Variants in ARID5B observed in about 807,000 individuals in gnomAD.
ARID5B encodes AT-rich interaction domain 5B.
In ARID5B, 13 loss-of-function variants were observed where a neutral mutation model predicts 97.2. The ratio of observed to expected loss-of-function variants is 0.13; its 90% confidence interval spans 0.09 to 0.21. The LOEUF (loss-of-function observed/expected upper bound fraction) is 0.21, where lower values mean the gene tolerates loss of function less well. Ranked by LOEUF, ARID5B falls within the 10% of genes least tolerant of loss-of-function variation. The pLI is 1.00. For synonymous variants in ARID5B, 556 were observed against 570.3 expected (o/e 0.97, Z 0.36); for missense variants, 1,210 against 1,465.3 (o/e 0.83, Z 2.84).
intron 4 of ARID5B, among the ~76,000 whole-genome samples, chr10:62,042,326 G>T (rs1839648412): frequency 6.6e-6 from 1 of 152,172 alleles, no homozygotes; most frequent in African/African-American, 2.4e-5. Flanking sequence ...GGAGCCTGGG[G>T]CCTGGAAATG....
chr10:61,967,341 G>A (rs188429402), intron 3 of ARID5B, among the ~76,000 whole-genome samples: 13 of 152,194 alleles, frequency 8.5e-5, no homozygotes, highest in Admixed American at 1.3e-4. Context: ...TTATCTTACC[G>A]GTCAATATTT....
chr10:62,091,523 T>C lies in ARID5B; in HGVS notation c.2060T>C (p.Met687Thr). 1.9e-6 allele frequency: 3 copies of C among 1,613,738 alleles called. No homozygotes were observed. The highest frequency in any genetic ancestry group is 2.5e-6 in the Non-Finnish European group (3 of 1,179,886). The change falls in exon 10 of 10, where the codon ATG (methionine) becomes ACG (threonine). Residue 687 changes from methionine (M) to threonine (T), a missense_variant. By Grantham distance (81) the Met-to-Thr change is moderately conservative. Around this residue, in one of 8 missense-constraint regions of ARID5B, gnomAD observed 800 missense variants for 839.1 expected, o/e 0.95. Transcript: ENST00000279873. ...TACTCTAGGGGCAACCCAGGCATCA[T>C]GTCCCCACTGGCCAAGAAAAAGCTT... ...LLYSRGNPGI[M>T]SPLAKKKLLS... is the part of the protein sequence containing the mutation.
chr10:61,903,460 G>T (rs1052300141), intron 2 of ARID5B, among the ~76,000 whole-genome samples: 39 of 152,188 alleles, frequency 2.6e-4, no homozygotes, highest in African/African-American at 8.4e-4. Context: ...CCTCAGCGCC[G>T]TGGTACCTAC....
At chr10:61,969,611 T>A (rs1358141740) in intron 3 of ARID5B, among the ~76,000 whole-genome samples, 7 of 152,184 alleles carry the variant, frequency 4.6e-5, no homozygotes, top group Non-Finnish European at 1.0e-4. Flanking sequence ...CGGCTTAGCA[T>A]TTTCAAGTCA....
intron 2 of ARID5B, among the ~76,000 whole-genome samples, chr10:61,909,620 T>C (rs4948290): frequency 0.41 from 63,032 of 152,104 alleles, 13,331 homozygotes; most frequent in Non-Finnish European, 0.46. Flanking sequence ...CCACCGCGCC[T>C]GGCCTTCAGT....
chr10:62,041,340 T>A (rs1839635164), intron 4 of ARID5B, among the ~76,000 whole-genome samples: 1 of 152,166 alleles, frequency 6.6e-6, no homozygotes, highest in Non-Finnish European at 1.5e-5. Context: ...GCTGGTGCCC[T>A]CATAGGGAGG....
Position 61,948,793 on chromosome 10 carries a change from C to T in ARID5B, c.502+8385C>T, listed in dbSNP as rs529530769. Among the ~76,000 whole-genome samples the T allele has an allele frequency of 6.2e-4, 95 of 152,306 alleles. 1 individual carries two copies. Among genetic ancestry groups the T allele is most frequent in the African/African-American group, 2.1e-3 (87 of 41,566 alleles). On this transcript the variant is annotated intron_variant, in intron 3 of 9. Coordinates refer to ENST00000279873, the MANE Select transcript of ARID5B (RefSeq NM_032199.3). Reference sequence around the variant, plus strand: ...AGTGATCCATTACGCATGGCCAGAACTCTAAGGAGCTGGCTTGGCATCCTC... The same window carrying T: ...AGTGATCCATTACGCATGGCCAGAATTCTAAGGAGCTGGCTTGGCATCCTC...
intron 4 of ARID5B, among the ~76,000 whole-genome samples, chr10:62,019,444 T>C (rs1839326316): frequency 6.6e-6 from 1 of 152,230 alleles, no homozygotes; most frequent in Non-Finnish European, 1.5e-5. Context: ...ATAGGACTCC[T>C]TTAACTTTTA....
intron 2 of ARID5B, among the ~76,000 whole-genome samples, chr10:61,914,923 G>A (rs559868061): frequency 3.9e-5 from 6 of 152,310 alleles, no homozygotes; most frequent in Admixed American, 2.0e-4. Context: ...CCGATGCTGC[G>A]AAGACCAGTG....
chr10:62,092,666 G>A lies in ARID5B; in HGVS notation c.3203G>A (p.Gly1068Asp). Reference sequence around the variant, plus strand: ...GGGCATTCCGGGGGCGGATCAGAAGGCCACAAGCTTCCCCTCTCCTCCCCT... The same window carrying A: ...GGGCATTCCGGGGGCGGATCAGAAGACCACAAGCTTCCCCTCTCCTCCCCT... ...HGGHSGGGSE[G>D]HKLPLSSPIF... Residue 1068 changes from glycine (G) to aspartate (D), a missense_variant, in exon 10 of 10, where the codon GGC (glycine) becomes GAC (aspartate). Transcript: ENST00000279873. 2 of 1,614,040 alleles carry A rather than the reference G, an allele frequency of 1.2e-6. No homozygotes were observed. The highest frequency in any genetic ancestry group is 1.3e-5 in the African/African-American group (1 of 75,034).
At chr10:61,918,920 G>A (rs1018512724) in intron 2 of ARID5B, among the ~76,000 whole-genome samples, 4 of 151,752 alleles carry the variant, frequency 2.6e-5, no homozygotes, top group African/African-American at 9.7e-5. Flanking sequence ...TGTAATCCCA[G>A]CTACTCAGGA....
intron 4 of ARID5B, among the ~76,000 whole-genome samples, chr10:62,043,139 C>T (rs1218526578): frequency 1.3e-5 from 2 of 152,108 alleles, no homozygotes; most frequent in Non-Finnish European, 2.9e-5. Flanking sequence ...GAGGATATTG[C>T]AGACAGCCAA....
At chr10:61,970,633 A>C (rs547428514) in intron 3 of ARID5B, among the ~76,000 whole-genome samples, 1 of 152,316 alleles carries the variant, frequency 6.6e-6, no homozygotes, top group Non-Finnish European at 1.5e-5. Flanking sequence ...AGGTTGATAG[A>C]AGCAATGCTA....
At chr10:62,042,915 A>AC (rs1839658868) in intron 4 of ARID5B, among the ~76,000 whole-genome samples, 2 of 2,292 alleles carry the variant, frequency 8.7e-4, no homozygotes, top group African/African-American at 2.2e-3. Flanking sequence ...AGTCTGTCCC[A>AC]AAAAAAAAAA....
At position 62,000,914 on chromosome 10, in the gene ARID5B, A is replaced by G. The variant is rs1243261085; in HGVS notation, c.733+593A>G. On this transcript the variant is annotated intron_variant, in intron 4 of 9. Transcript: ENST00000279873. This position sits in a 1 kb window ranked among gnomAD's most constrained non-coding sequence, Gnocchi z 4.4. The stretch of plus-strand genomic sequence containing the variant: ...ATCCATGTCCTGAATTTTTTCATAC[A>G]CTCATACACACACATGCACACGTAC... Among the ~76,000 whole-genome samples the G allele has an allele frequency of 2.0e-5, 3 of 152,116 alleles. No individual in the cohort carries two copies. Among genetic ancestry groups the G allele is most frequent in the East Asian group, 1.9e-4 (1 of 5,196 alleles).
chr10:62,088,106 A>C (rs1010042848), intron 9 of ARID5B, among the ~76,000 whole-genome samples: 1 of 152,090 alleles, frequency 6.6e-6, no homozygotes, highest in South Asian at 2.1e-4. Flanking sequence ...ACCTCAAATG[A>C]TCCTCCTGCC....
chr10:62,053,122 A>G (rs779588113), intron 5 of ARID5B, among the ~76,000 whole-genome samples: 26 of 152,238 alleles, frequency 1.7e-4, no homozygotes, highest in Admixed American at 4.6e-4. Context: ...GTCTTTTCTC[A>G]TGAAACACTG....
In ARID5B at chr10:62,092,775, G is replaced by C; in HGVS notation, c.3312G>C (p.Gln1104His). 1 of 1,614,154 alleles carries C rather than the reference G, an allele frequency of 6.2e-7. No homozygotes were observed. The highest frequency in any genetic ancestry group is 1.6e-4 in the Middle Eastern group (1 of 6,062). Reference sequence around the variant, plus strand: ...CGGCTGGGTATTCTCATTCTCTGCAGTACTTGAAAAACCAGACTGTGCTTT... The same window carrying C: ...CGGCTGGGTATTCTCATTCTCTGCACTACTTGAAAAACCAGACTGTGCTTT... ...RLPAGYSHSL[Q>H]YLKNQTVLSP... The change falls in exon 10 of 10, where the codon CAG becomes CAC. Residue 1104 changes from glutamine (Q) to histidine (H), a missense_variant. This residue lies in a region of ARID5B where 800 missense variants were observed against 839.1 expected (regional missense o/e 0.95). Transcript: ENST00000279873.
chr10:62,076,561 C>CAAAAAAAAAAAAAA (rs11363274), intron 8 of ARID5B, among the ~76,000 whole-genome samples: 32 of 92,670 alleles, frequency 3.5e-4, no homozygotes, highest in Non-Finnish European at 4.9e-4. Context: ...GACTCTGTCT[C>CAAAAAAAAAAAAAA]AAAAAAAAAA....
Sources: allele counts gnomAD v4.1 joint callset (sites outside exome capture counted in the v4.1 genomes callset), GRCh38; gene constraint gnomAD v4.1.1; regional missense constraint gnomAD v4.1.1; non-coding constraint Gnocchi (gnomAD v3.1); transcripts MANE v1.5; gene names NCBI Gene and HGNC (gene_info 2026-07-23, HGNC 2026-07-21).